Variants in MAP2K1 observed in about 807,000 individuals in gnomAD.
The protein encoded by MAP2K1 is mitogen-activated protein kinase kinase 1.
In MAP2K1, 16 loss-of-function variants were observed where a neutral mutation model predicts 46.3. The observed-to-expected ratio is 0.35, with a 90% confidence interval of 0.23 to 0.52. The LOEUF (loss-of-function observed/expected upper bound fraction) is 0.52, where lower values mean the gene tolerates loss of function less well. Among genes scored for constraint, MAP2K1 ranks in the 20% least tolerant of loss-of-function variants. The pLI is 0.94. For synonymous variants in MAP2K1, 183 were observed against 185.6 expected, an observed-to-expected ratio of 0.99 and a Z score of 0.11; for missense variants, 263 against 497.1, an observed-to-expected ratio of 0.53 and a Z score of 4.48.
chr15:66,448,354 AC>A (rs1389662448), intron 5 of MAP2K1, among the ~76,000 whole-genome samples: 5 of 152,098 alleles, frequency 3.3e-5, no homozygotes, highest in Non-Finnish European at 1.5e-5. Context: ...GATGTGCTAG[AC>A]ACTGGTTCTT....
intron 1 of MAP2K1, among the ~76,000 whole-genome samples, chr15:66,421,517 G>A (rs1290273860): frequency 6.6e-6 from 1 of 150,636 alleles, no homozygotes; most frequent in Non-Finnish European, 1.5e-5. Context: ...CTATACCATT[G>A]TCGCTGGGTG....
intron 6 of MAP2K1, among the ~76,000 whole-genome samples, chr15:66,484,786 A>G (rs1259940459): frequency 6.6e-6 from 1 of 152,214 alleles, no homozygotes; most frequent in African/African-American, 2.4e-5. Context: ...GAAATAGAGC[A>G]GGGATGAGGG....
chr15:66,466,019 A>G (rs779019248), intron 5 of MAP2K1, among the ~76,000 whole-genome samples: 40 of 152,294 alleles, frequency 2.6e-4, no homozygotes, highest in Middle Eastern at 3.4e-3. Context: ...TGATGTCCCA[A>G]GATAACTTGG....
At chr15:66,435,547 C>T (rs372990171) in intron 2 of MAP2K1, among the ~76,000 whole-genome samples, 7 of 152,052 alleles carry the variant, frequency 4.6e-5, no homozygotes, top group East Asian at 3.9e-4. Context: ...AAGCTGATCT[C>T]GAACTCCTGA....
At chr15:66,483,921 TG>T (rs374353201) in intron 6 of MAP2K1, among the ~76,000 whole-genome samples, 2,006 of 151,984 alleles carry the variant, frequency 0.013, 23 homozygotes, top group South Asian at 0.038. Flanking sequence ...CTAATTTTTT[TG>T]TATTTTTAGT....
At position 66,490,753 on chromosome 15, in the gene MAP2K1, G is replaced by T; in HGVS notation, c.*138G>T. 1 of 724,582 alleles carries T rather than the reference G, an allele frequency of 1.4e-6. No individual in the cohort carries two copies. 44.9% of individuals were successfully genotyped at this position (724,582 alleles called of 1,614,324 possible). On this transcript the variant is annotated 3_prime_UTR_variant, in exon 11 of 11. Transcript: ENST00000307102. ...GGATGAAGAACACAGCATGTGCCAAGATTCTACTCTTGTCATTTTTAATAT... is the reference window on the plus strand; with the variant it reads ...GGATGAAGAACACAGCATGTGCCAATATTCTACTCTTGTCATTTTTAATAT...
At position 66,420,843 on chromosome 15, in the gene MAP2K1, GTGTATA is replaced by G. The variant is rs1205464987; in HGVS notation, c.81-14182_81-14177del. Among the ~76,000 whole-genome samples, 8 of 121,618 alleles carry G rather than the reference GTGTATA, an allele frequency of 6.6e-5. 2 individuals carry two copies. Among genetic ancestry groups the G allele is most frequent in the Non-Finnish European group, 1.2e-4 (7 of 56,230 alleles). The allele number at this position is 121,618 out of a possible 152,430, so 79.8% of individuals were successfully genotyped here. A position where few individuals can be genotyped will look rare whatever the true frequency, so the allele number is the denominator to read the frequency against. On this transcript the variant is annotated intron_variant, in intron 1 of 10. Transcript: ENST00000307102. ...TATATATATATGTGTATATATATGT[GTGTATA>G]TATATGTGTGTATATATATGTGTGT...
intron 5 of MAP2K1, among the ~76,000 whole-genome samples, chr15:66,470,059 G>A (rs1430116596): frequency 2.3e-5 from 3 of 133,112 alleles, no homozygotes; most frequent in Admixed American, 7.6e-5. Context: ...TTTGCTGGCC[G>A]TTTTTCTCCC....
chr15:66,436,992 C>A, intron 3 of MAP2K1, 100 bp downstream of exon 3: 1 of 1,240,916 alleles, frequency 8.1e-7, no homozygotes, highest in Non-Finnish European at 1.2e-6. Flanking sequence ...CTCCCTGCTG[C>A]TCCTGGGATC....
At chr15:66,487,127 T>C in intron 7 of MAP2K1, 101 bp from the exon 8 acceptor site, 3 of 937,226 alleles carry the variant, frequency 3.2e-6, no homozygotes, top group Middle Eastern at 4.3e-4. Flanking sequence ...TTATTGTCCA[T>C]GACCCTGTTC....
intron 5 of MAP2K1, among the ~76,000 whole-genome samples, chr15:66,462,737 G>T (rs1490462940): frequency 1.3e-5 from 2 of 152,136 alleles, no homozygotes; most frequent in Non-Finnish European, 2.9e-5. Flanking sequence ...CTTCACAGAG[G>T]AGCTGGGAGC....
At chr15:66,466,927 C>T (rs994066223) in intron 5 of MAP2K1, among the ~76,000 whole-genome samples, 29 of 152,030 alleles carry the variant, frequency 1.9e-4, no homozygotes, top group Admixed American at 1.9e-3. Context: ...TTATCAGAAG[C>T]CTGTATTCAG....
At chr15:66,409,624 A>G (rs576592185) in intron 1 of MAP2K1, among the ~76,000 whole-genome samples, 61 of 152,346 alleles carry the variant, frequency 4.0e-4, no homozygotes, top group African/African-American at 1.4e-3. Context: ...AGTTTGTGCA[A>G]TAACACAATT....
rs776112215 is a variant in MAP2K1, at chr15:66,470,466, G to A, written c.569-11289G>A. ...CTGTTGGAAGCAAGCTCAAAACTCC[G>A]TAAAGGAGTTACTTGCCTTCCATTG... On this transcript the variant is annotated intron_variant, in intron 5 of 10. Transcript: ENST00000307102. Among the ~76,000 whole-genome samples the A allele has an allele frequency of 7.2e-5, 11 of 152,316 alleles. No homozygotes were observed. In the South Asian group the frequency reaches 8.3e-4, roughly 11 times the overall value.
At chr15:66,487,491 T>C (rs1034483323) in intron 8 of MAP2K1, among the ~76,000 whole-genome samples, 199 bp downstream of exon 8, 4 of 152,056 alleles carry the variant, frequency 2.6e-5, no homozygotes, top group Non-Finnish European at 5.9e-5. Context: ...ATACAAAAAT[T>C]AGCTGGGCAT....
chr15:66,414,605 A>G (rs2093420221), intron 1 of MAP2K1, among the ~76,000 whole-genome samples: 1 of 152,022 alleles, frequency 6.6e-6, no homozygotes, highest in Admixed American at 6.6e-5. Flanking sequence ...CAGTGTCCAG[A>G]GTTTTTACTG....
At chr15:66,470,205 AC>A (rs953007883) in intron 5 of MAP2K1, among the ~76,000 whole-genome samples, 1 of 148,454 alleles carries the variant, frequency 6.7e-6, no homozygotes, top group Non-Finnish European at 1.5e-5. Context: ...AGTTGGTCAA[AC>A]CCAAGGGGAA....
At chr15:66,389,758 G>A (rs1253791152) in intron 1 of MAP2K1, among the ~76,000 whole-genome samples, 3 of 151,862 alleles carry the variant, frequency 2.0e-5, no homozygotes, top group Non-Finnish European at 4.4e-5. Flanking sequence ...TATTTTAATA[G>A]AGACAGGGTT....
At chr15:66,404,897 A>G (rs1321781151) in intron 1 of MAP2K1, among the ~76,000 whole-genome samples, 1 of 152,274 alleles carries the variant, frequency 6.6e-6, no homozygotes, top group East Asian at 1.9e-4. Context: ...TTTTTGATAG[A>G]CAAGGATGCA....
Sources: allele counts gnomAD v4.1 joint callset (sites outside exome capture counted in the v4.1 genomes callset), GRCh38; gene constraint gnomAD v4.1.1; transcripts MANE v1.5; gene names NCBI Gene and HGNC (gene_info 2026-07-23, HGNC 2026-07-21).